Variants in LPIN1 observed in about 807,000 individuals in gnomAD.
LPIN1 encodes lipin 1.
LPIN1 carries 71 observed loss-of-function variants against 107.5 expected under a neutral mutation model. That is an observed-to-expected ratio of 0.66 (90% CI 0.55 to 0.80). The LOEUF is 0.80. LPIN1 is among the 30% of genes least tolerant of loss of function. The pLI, the probability that LPIN1 is intolerant of heterozygous loss-of-function variation, is 0.00. For missense variants in LPIN1, 1,043 were observed against 1,160.6 expected, an observed-to-expected ratio of 0.90 and a Z score of 1.47; for synonymous variants, 445 against 452.6, an observed-to-expected ratio of 0.98 and a Z score of 0.21.
At chr2:11,804,269 A>C (rs1053684863) in intron 15 of LPIN1, among the ~76,000 whole-genome samples, 154 bp from the exon 16 acceptor site, 2 of 152,164 alleles carry the variant, frequency 1.3e-5, no homozygotes, top group Non-Finnish European at 2.9e-5. Flanking sequence ...GAACCAGAAC[A>C]AGGAAGGGTG....
upstream of LPIN1, among the ~76,000 whole-genome samples, chr2:11,723,137 T>C (rs1664274603): frequency 6.6e-6 from 1 of 152,226 alleles, no homozygotes. Context: ...AAAAGCACTG[T>C]TCAAACTGGG....
chr2:11,733,499 C>CTCT (rs1229634011), intron 1 of LPIN1, among the ~76,000 whole-genome samples: 1 of 143,358 alleles, frequency 7.0e-6, no homozygotes, highest in African/African-American at 2.6e-5. Flanking sequence ...CTCTCTCTCT[C>CTCT]TTTTTTTTTT....
intron 1 of LPIN1, among the ~76,000 whole-genome samples, chr2:11,684,563 C>T (rs891716897): frequency 3.3e-5 from 5 of 152,114 alleles, no homozygotes; most frequent in South Asian, 4.1e-4. Context: ...TTCACTGACC[C>T]GTGGTGAACA....
At position 11,803,174 on chromosome 2, in the gene LPIN1, C is replaced by T. The variant is rs926130398; in HGVS notation, c.2013+141C>T. ...GCCTGCAATCCCTCAACTGGGTACC[C>T]GCTGTTTCCACCCCAACTCCAGCAC... On this transcript the variant is annotated intron_variant, in intron 15 of 20. Coordinates refer to ENST00000674199, the MANE Select transcript of LPIN1 (RefSeq NM_001349206.2). The surrounding 1 kb of genome is among the most constrained non-coding windows in gnomAD (Gnocchi z 4.2). 6.4e-5 allele frequency: 73 copies of T among 1,146,318 alleles called. No homozygotes were observed. The highest frequency in any genetic ancestry group is 1.1e-4 in the African/African-American group (7 of 66,094). The allele number at this position is 1,146,318 out of a possible 1,614,324, so 71.0% of individuals were successfully genotyped here. A position where few individuals can be genotyped will look rare whatever the true frequency, so the allele number is the denominator to read the frequency against.
chr2:11,712,896 A>C (rs1316423882), intron 1 of LPIN1, among the ~76,000 whole-genome samples: 1 of 152,220 alleles, frequency 6.6e-6, no homozygotes, highest in Non-Finnish European at 1.5e-5. Flanking sequence ...ACCTGCTAGG[A>C]TAACGCCATG....
intron 4 of LPIN1, among the ~76,000 whole-genome samples, chr2:11,772,429 A>G (rs923896340): frequency 7.2e-5 from 11 of 152,222 alleles, no homozygotes; most frequent in African/African-American, 2.4e-4. Flanking sequence ...AATGGAGTCA[A>G]GAAACAGGAA....
chr2:11,710,163 A>G (rs1663336642), intron 1 of LPIN1, among the ~76,000 whole-genome samples: 1 of 152,174 alleles, frequency 6.6e-6, no homozygotes, highest in African/African-American at 2.4e-5. Flanking sequence ...CAATTTCTGA[A>G]GGCTCCATCT....
chr2:11,702,591 A>G (rs1432704518), intron 1 of LPIN1, among the ~76,000 whole-genome samples: 2 of 152,242 alleles, frequency 1.3e-5, no homozygotes, highest in Non-Finnish European at 2.9e-5. Flanking sequence ...CTGACTTGTC[A>G]TGGCCTAGCT....
chr2:11,680,213 G>A (rs578180057), intron 1 of LPIN1, among the ~76,000 whole-genome samples: 5 of 152,094 alleles, frequency 3.3e-5, no homozygotes, highest in Admixed American at 2.0e-4. Flanking sequence ...TCTGGGAAGC[G>A]TAAAAGTGGC....
intron 1 of LPIN1, among the ~76,000 whole-genome samples, chr2:11,702,007 G>C (rs914134860): frequency 7.9e-5 from 12 of 152,152 alleles, no homozygotes; most frequent in South Asian, 2.1e-4. Flanking sequence ...TGTGGCTGTC[G>C]GATGCCAAGT....
chr2:11,787,130 A>T lies in LPIN1; in HGVS notation c.1606A>T (p.Ile536Phe), dbSNP rs755888748. 2 of 1,614,106 alleles carry T rather than the reference A, an allele frequency of 1.2e-6. No homozygotes were observed. The highest frequency in any genetic ancestry group is 4.5e-5 in the East Asian group (2 of 44,878). ...YQQFVDNPAI[I>F]DDPNLVVKIG... ...ACAGTTTGTGGACAACCCCGCTATT[A>T]TCGATGACCCCAATCTCGTGGTAAA... Residue 536 changes from isoleucine to phenylalanine, a missense_variant, in exon 11 of 21, where the codon ATC becomes TTC. By Grantham distance (21) the Ile-to-Phe change is conservative. Coordinates refer to ENST00000674199, the MANE Select transcript of LPIN1 (RefSeq NM_001349206.2).
chr2:11,691,469 G>A (rs1662269244), intron 1 of LPIN1, among the ~76,000 whole-genome samples: 1 of 152,114 alleles, frequency 6.6e-6, no homozygotes, highest in African/African-American at 2.4e-5. Flanking sequence ...TCCCATCTAT[G>A]CTTTCCTCCT....
At chr2:11,787,188 A>G in intron 11 of LPIN1, 21 bp downstream of exon 11, 1 of 1,500,248 alleles carries the variant, frequency 6.7e-7, no homozygotes, top group Non-Finnish European at 9.3e-7. Flanking sequence ...CTTGAAAGTC[A>G]CTTTGGCAGT....
rs1677980734 is a variant in LPIN1, at chr2:11,802,769, T to A, written c.1887-138T>A. ...TGAGAGTTCATTGATAAATTTAACGTCTTATGGTAAATGACCACCCGAGAG... is the reference window on the plus strand; with the variant it reads ...TGAGAGTTCATTGATAAATTTAACGACTTATGGTAAATGACCACCCGAGAG... On this transcript the variant is annotated intron_variant, in intron 14 of 20. Coordinates refer to ENST00000674199, the MANE Select transcript of LPIN1 (RefSeq NM_001349206.2). 9.6e-6 allele frequency: 9 copies of A among 941,644 alleles called. No homozygotes were observed. The Admixed American group carries it at 1.2e-4, about 13-fold the overall frequency. 58.3% of individuals were successfully genotyped at this position (941,644 alleles called of 1,614,324 possible). A position where few individuals can be genotyped will look rare whatever the true frequency, so the allele number is the denominator to read the frequency against.
chr2:11,752,038 A>G (rs970422460), intron 1 of LPIN1, among the ~76,000 whole-genome samples: 2 of 152,228 alleles, frequency 1.3e-5, no homozygotes, highest in African/African-American at 4.8e-5. Context: ...ATTAAGCCAG[A>G]GTCATACAGA....
In LPIN1 at chr2:11,786,389, C is replaced by T. The variant is rs761839080; in HGVS notation, c.1550-685C>T. Among the ~76,000 whole-genome samples the T allele has an allele frequency of 6.6e-6, 1 of 152,096 alleles. No homozygotes were observed. Among genetic ancestry groups the T allele is most frequent in the African/African-American group, 2.4e-5 (1 of 41,418 alleles). On this transcript the variant is annotated intron_variant, in intron 10 of 20. Coordinates refer to ENST00000674199, the MANE Select transcript of LPIN1 (RefSeq NM_001349206.2). This position sits in a 1 kb window ranked among gnomAD's most constrained non-coding sequence, Gnocchi z 4.1. ...TCTGGGCCAGGGAGATGGTCAGAAC[C>T]GCGGTCAAGGCTTAAGGTACAGCCC...
chr2:11,759,129 TTTCTTTTC>T (rs1465156817), intron 1 of LPIN1, among the ~76,000 whole-genome samples: 17 of 134,662 alleles, frequency 1.3e-4, no homozygotes, highest in African/African-American at 3.8e-4. Context: ...GCTTGCTTTC[TTTCTTTTC>T]TTTCTTTCTT....
chr2:11,724,064 T>C (rs1381396201), upstream of LPIN1: 1 of 152,208 alleles, frequency 6.6e-6, no homozygotes, highest in African/African-American at 2.4e-5. Context: ...CTAGTTAGCT[T>C]GCTATGAATT....
At position 11,765,171 on chromosome 2, in the gene LPIN1, C is replaced by T. The variant is rs1322125260; in HGVS notation, c.-9-362C>T. 4.7e-5 allele frequency among the ~76,000 whole-genome samples: 7 copies of T among 148,854 alleles called. No homozygotes were observed. The highest frequency in any genetic ancestry group is 6.7e-5 in the Admixed American group (1 of 15,016). On this transcript the variant is annotated intron_variant, in intron 1 of 20. Coordinates refer to ENST00000674199, the MANE Select transcript of LPIN1 (RefSeq NM_001349206.2). The surrounding 1 kb of genome is among the most constrained non-coding windows in gnomAD (Gnocchi z 4.4). Reference sequence around the variant, plus strand: ...TGGACCGTGATGGGCCGTAACGGGCCGTGATGGACCCTGATGGGCTGTGAT... The same window carrying T: ...TGGACCGTGATGGGCCGTAACGGGCTGTGATGGACCCTGATGGGCTGTGAT...
Sources: gnomAD v4.1 joint callset for allele counts (sites outside exome capture counted in the v4.1 genomes callset) on GRCh38, gnomAD v4.1.1 for gene constraint, Gnocchi (gnomAD v3.1) non-coding constraint, MANE v1.5 for transcripts, NCBI Gene and HGNC (gene_info 2026-07-23, HGNC 2026-07-21) for gene names.